Variants in PHLDB2 observed in about 807,000 individuals in gnomAD.
PHLDB2 encodes pleckstrin homology-like domain family B member 2.
A neutral mutation model predicts 123.6 loss-of-function variants in PHLDB2; 71 were observed. That is an observed-to-expected ratio of 0.57 (90% confidence interval 0.47 to 0.70). The LOEUF is 0.70. Ranked by LOEUF, PHLDB2 falls within the 30% of genes least tolerant of loss-of-function variation. The pLI, the probability that PHLDB2 is intolerant of heterozygous loss-of-function variation, is 0.00. For synonymous variants in PHLDB2, 547 were observed against 541.6 expected, an observed-to-expected ratio of 1.01 and a Z score of -0.14; for missense variants, 1,446 against 1,519.5, an observed-to-expected ratio of 0.95 and a Z score of 0.80.
intron 1 of PHLDB2, among the ~76,000 whole-genome samples, chr3:111,742,924 CAAAG>C (rs759879318): frequency 1.4e-4 from 22 of 152,126 alleles, no homozygotes; most frequent in South Asian, 1.0e-3. Flanking sequence ...CAGTTCTGCC[CAAAG>C]AAAGATCAAC....
intron 1 of PHLDB2, among the ~76,000 whole-genome samples, chr3:111,784,928 C>G (rs556322534): frequency 2.0e-5 from 3 of 152,192 alleles, no homozygotes; most frequent in South Asian, 4.2e-4. Context: ...TGATAAGACT[C>G]TTTGCACACA....
At chr3:111,974,354 T>G in intron 17 of PHLDB2, 69 bp from the exon 18 acceptor site, 2 of 1,375,548 alleles carry the variant, frequency 1.5e-6, no homozygotes, top group Non-Finnish European at 1.9e-6. Flanking sequence ...AGTCATCACA[T>G]GTCTGTGTTA....
intron 1 of PHLDB2, among the ~76,000 whole-genome samples, chr3:111,795,280 C>T (rs1372916259): frequency 3.3e-5 from 5 of 152,130 alleles, no homozygotes; most frequent in African/African-American, 1.2e-4. Flanking sequence ...GCTCCTTTTC[C>T]TCCCAAAAAT....
chr3:111,909,320 G>A (rs970588098), intron 2 of PHLDB2, among the ~76,000 whole-genome samples: 2 of 152,188 alleles, frequency 1.3e-5, no homozygotes, highest in African/African-American at 4.8e-5. Flanking sequence ...GGGTAGAAAT[G>A]CTATGCTTTG....
At chr3:111,875,451 A>G (rs1260832756) in intron 1 of PHLDB2, among the ~76,000 whole-genome samples, 1 of 151,952 alleles carries the variant, frequency 6.6e-6, no homozygotes, top group Non-Finnish European at 1.5e-5. Flanking sequence ...CGCCTGGCAA[A>G]GGAGTTCTTT....
chr3:111,904,747 GAT>G (rs1292939552), intron 2 of PHLDB2, among the ~76,000 whole-genome samples: 5 of 152,140 alleles, frequency 3.3e-5, no homozygotes, highest in Admixed American at 6.5e-5. Context: ...TAGGAGAAGG[GAT>G]AATCAATAGA....
At chr3:111,926,465 C>T (rs1254796819) in intron 5 of PHLDB2, among the ~76,000 whole-genome samples, 6 of 152,210 alleles carry the variant, frequency 3.9e-5, no homozygotes, top group Middle Eastern at 6.8e-3. Flanking sequence ...AAAGTTGGCT[C>T]CCTGGTCAGA....
intron 2 of PHLDB2, among the ~76,000 whole-genome samples, chr3:111,851,826 A>G (rs1200399434): frequency 6.6e-6 from 1 of 151,932 alleles, no homozygotes; most frequent in Non-Finnish European, 1.5e-5. Context: ...CCAGCACCCT[A>G]GATCTTATCT....
chr3:111,930,007 G>A (rs12493023), intron 5 of PHLDB2, among the ~76,000 whole-genome samples: 41,725 of 149,910 alleles, frequency 0.28, 7,019 homozygotes, highest in East Asian at 0.65. Flanking sequence ...TGCCTCCTGG[G>A]TTCACGCCAT....
chr3:111,967,836 A>G lies in PHLDB2; in HGVS notation c.3315+12A>G. On this transcript the variant is annotated intron_variant, in intron 15 of 17. Coordinates refer to ENST00000431670, the MANE Select transcript of PHLDB2 (RefSeq NM_001134438.2). ...GACAAAGGGCACAGGTTGGTCGGTC[A>G]ATCTGAATGCATATGGGCAGGTTGC... 1.2e-6 allele frequency: 2 copies of G among 1,601,388 alleles called. No individual in the cohort carries two copies. Among genetic ancestry groups the G allele is most frequent in the Non-Finnish European group, 1.7e-6 (2 of 1,176,166 alleles).
intron 2 of PHLDB2, among the ~76,000 whole-genome samples, chr3:111,848,516 C>T (rs1045142208): frequency 6.6e-6 from 1 of 152,190 alleles, no homozygotes; most frequent in Non-Finnish European, 1.5e-5. Flanking sequence ...TTTGACCCCC[C>T]CAAACAGCAC....
chr3:111,912,581 T>G (rs2067952292), intron 2 of PHLDB2, among the ~76,000 whole-genome samples: 1 of 152,096 alleles, frequency 6.6e-6, no homozygotes. Context: ...TTTAGAAAAT[T>G]TTCAAAATTT....
Position 111,926,822 on chromosome 3 carries a change from C to A in PHLDB2, c.2002-5447C>A, listed in dbSNP as rs539486002. Among the ~76,000 whole-genome samples, 4 of 152,256 alleles carry A rather than the reference C, an allele frequency of 2.6e-5. No homozygotes were observed. The South Asian group carries it at 8.3e-4, about 32-fold the overall frequency. On this transcript the variant is annotated intron_variant, in intron 5 of 17. Transcript: ENST00000431670. ...AAGTAATTTTGTAAGGTTGAATATT[C>A]ATAAATGTAGCTACAGAAATAGTAA... is the stretch of plus-strand genomic sequence containing the variant.
At chr3:111,854,182 C>T (rs747285349) in intron 2 of PHLDB2, among the ~76,000 whole-genome samples, 6 of 152,188 alleles carry the variant, frequency 3.9e-5, no homozygotes, top group African/African-American at 1.2e-4. Flanking sequence ...ACCATCAGAT[C>T]TCATGAGAAC....
chr3:111,966,751 G>A, intron 14 of PHLDB2, 48 bp downstream of exon 14: 1 of 1,498,804 alleles, frequency 6.7e-7, no homozygotes, highest in Non-Finnish European at 9.2e-7. Context: ...CGTGGTGCAG[G>A]AGCCCTGCGC....
intron 1 of PHLDB2, among the ~76,000 whole-genome samples, chr3:111,869,741 A>G (rs1352128301): frequency 1.3e-5 from 2 of 152,162 alleles, no homozygotes; most frequent in East Asian, 1.9e-4. Flanking sequence ...GTCTACACAC[A>G]TTAGGATTTA....
At chr3:111,751,856 A>T (rs549793773) in intron 1 of PHLDB2, among the ~76,000 whole-genome samples, 21 of 152,240 alleles carry the variant, frequency 1.4e-4, no homozygotes, top group Non-Finnish European at 2.1e-4. Context: ...AAAATTTTTT[A>T]AAAAAGAGAG....
intron 1 of PHLDB2, among the ~76,000 whole-genome samples, chr3:111,780,528 C>T (rs1410034581): frequency 6.6e-6 from 1 of 151,716 alleles, no homozygotes; most frequent in Non-Finnish European, 1.5e-5. Flanking sequence ...ACTTCTCAGC[C>T]TCCAGAACCA....
intron 1 of PHLDB2, among the ~76,000 whole-genome samples, chr3:111,816,599 A>G (rs905604088): frequency 6.6e-6 from 1 of 152,150 alleles, no homozygotes; most frequent in African/African-American, 2.4e-5. Flanking sequence ...TCCCCATTAT[A>G]TCTAGGAAGT....
Sources: allele counts gnomAD v4.1 joint callset (sites outside exome capture counted in the v4.1 genomes callset), GRCh38; gene constraint gnomAD v4.1.1; transcripts MANE v1.5; gene names NCBI Gene and HGNC (gene_info 2026-07-23, HGNC 2026-07-21).